MSI1: variants seen among roughly 807,000 people sequenced by gnomAD.
The protein encoded by MSI1 is musashi RNA binding protein 1.
Under a neutral mutation model 54.4 loss-of-function variants are expected in MSI1, and 15 were observed. The observed-to-expected ratio is 0.28, with a 90% CI of 0.18 to 0.42. MSI1 has a LOEUF of 0.42. MSI1 is among the 20% of genes least tolerant of loss of function. The probability of loss-of-function intolerance (pLI) is 1.00; values close to 1 mark genes in which losing one functional copy is unlikely to be tolerated. For synonymous variants in MSI1, 200 were observed against 196.5 expected (o/e 1.02, Z -0.15); for missense variants, 304 against 506.0 (o/e 0.60, Z 3.83).
intron 6 of MSI1, among the ~76,000 whole-genome samples, chr12:120,361,077 T>G (rs1592944868): frequency 6.6e-6 from 1 of 151,898 alleles, no homozygotes; most frequent in Non-Finnish European, 1.5e-5. Flanking sequence ...TGCCCATAGT[T>G]ACACGGGGGG....
chr12:120,344,563 G>A (rs1873953833), intron 14 of MSI1, among the ~76,000 whole-genome samples: 1 of 151,996 alleles, frequency 6.6e-6, no homozygotes, highest in Non-Finnish European at 1.5e-5. Flanking sequence ...TAAAAACTTA[G>A]CCAGGCATGG....
At chr12:120,354,934 C>T (rs899660287) in intron 9 of MSI1, among the ~76,000 whole-genome samples, 1 of 150,444 alleles carries the variant, frequency 6.6e-6, no homozygotes, top group African/African-American at 2.5e-5. Flanking sequence ...TGGCTCATGC[C>T]TACCACCACA....
chr12:120,358,919 A>T, intron 7 of MSI1, 86 bp downstream of exon 7: 4 of 1,435,508 alleles, frequency 2.8e-6, no homozygotes, highest in Non-Finnish European at 3.8e-6. Flanking sequence ...GGATGTCAGA[A>T]GGCGAGATGA....
chr12:120,352,102 C>T (rs370190335), intron 10 of MSI1, among the ~76,000 whole-genome samples: 42 of 151,918 alleles, frequency 2.8e-4, no homozygotes, highest in Admixed American at 3.3e-4. Context: ...ACTACACACT[C>T]GACCTCCTGG....
Position 120,368,970 on chromosome 12 carries a change from C to T in MSI1, c.59+63G>A. ...GGCTCCGGGGAGGCCCGGCCGGACC[C>T]GGATCGGCCATGTTGGCGGGGCCGG... On this transcript the variant is annotated intron_variant, in intron 1 of 14. Coordinates refer to ENST00000257552, the MANE Select transcript of MSI1 (RefSeq NM_002442.4). This position sits in a 1 kb window ranked among gnomAD's most constrained non-coding sequence, Gnocchi z 6.6. 2 of 1,158,142 alleles carry T rather than the reference C, an allele frequency of 1.7e-6. No homozygotes were observed. The highest frequency in any genetic ancestry group is 2.1e-6 in the Non-Finnish European group (2 of 937,020). 71.7% of individuals were successfully genotyped at this position (1,158,142 alleles called of 1,614,324 possible).
chr12:120,351,501 C>T, intron 10 of MSI1, 101 bp from the exon 11 acceptor site: 4 of 1,059,422 alleles, frequency 3.8e-6, no homozygotes, highest in South Asian at 1.4e-5. Context: ...GGTGAGGAGA[C>T]AGGCCATGCA....
intron 4 of MSI1, among the ~76,000 whole-genome samples, chr12:120,365,259 T>G (rs1592949996): frequency 6.6e-6 from 1 of 152,220 alleles, no homozygotes; most frequent in Middle Eastern, 3.4e-3. Context: ...CAAATCCCAT[T>G]TGCACTGCTT....
chr12:120,353,286 G>C lies in MSI1; in HGVS notation c.733+13C>G. ...GGCATGCTGGCAGCAGAGGGATACT[G>C]AGCAGGACTTACCGGGGAACTGGTA... On this transcript the variant is annotated intron_variant, in intron 10 of 14. Transcript: ENST00000257552. The C allele has an allele frequency of 1.2e-6, 2 of 1,613,194 alleles. No homozygotes were observed. Among genetic ancestry groups the C allele is most frequent in the Non-Finnish European group, 1.7e-6 (2 of 1,179,170 alleles).
intron 11 of MSI1, among the ~76,000 whole-genome samples, chr12:120,349,257 G>A (rs2136915873): frequency 6.6e-6 from 1 of 151,998 alleles, no homozygotes. Flanking sequence ...CATCATGCCT[G>A]GCTAATTTTT....
chr12:120,358,332 C>A (rs927735798), intron 7 of MSI1, among the ~76,000 whole-genome samples: 4 of 152,232 alleles, frequency 2.6e-5, no homozygotes, highest in Non-Finnish European at 5.9e-5. Flanking sequence ...CTGCGTATCA[C>A]GCAGACACAT....
intron 8 of MSI1, among the ~76,000 whole-genome samples, 170 bp from the exon 9 acceptor site, chr12:120,357,189 C>T (rs1433774846): frequency 1.3e-5 from 2 of 152,236 alleles, no homozygotes; most frequent in Non-Finnish European, 2.9e-5. Context: ...GTGTAAACGG[C>T]TTTGCATGCA....
chr12:120,362,845 G>A (rs1244138657), intron 6 of MSI1, among the ~76,000 whole-genome samples, 198 bp downstream of exon 6: 1 of 152,172 alleles, frequency 6.6e-6, no homozygotes, highest in Non-Finnish European at 1.5e-5. Flanking sequence ...TCTGTCCCGA[G>A]GGATATCCTG....
chr12:120,367,312 C>A (rs913069994), intron 4 of MSI1, among the ~76,000 whole-genome samples: 32 of 152,270 alleles, frequency 2.1e-4, no homozygotes, highest in African/African-American at 7.0e-4. Flanking sequence ...TTTCCATCTG[C>A]CCTGGAGCCA....
rs372363581 is a variant in MSI1 at position 120,351,412 on chromosome 12, C to G, written c.734-12G>C. The stretch of plus-strand genomic sequence containing the variant: ...CTCTACACGGAATTCTAAAATGAAA[C>G]GTAAAACAGCTTAGGAAGAAGCAGG... On this transcript the variant is annotated splice_polypyrimidine_tract_variant and intron_variant, in intron 10 of 14. Coordinates refer to ENST00000257552, the MANE Select transcript of MSI1 (RefSeq NM_002442.4). 2 of 1,612,986 alleles carry G rather than the reference C, an allele frequency of 1.2e-6. No individual in the cohort carries two copies. Among genetic ancestry groups the G allele is most frequent in the African/African-American group, 2.7e-5 (2 of 74,834 alleles).
intron 4 of MSI1, among the ~76,000 whole-genome samples, chr12:120,367,141 T>C (rs564917616): frequency 1.3e-5 from 2 of 152,006 alleles, no homozygotes; most frequent in South Asian, 2.1e-4. Flanking sequence ...CAAGCAGCTA[T>C]TGTTGCAGGT....
rs760803506 is a variant in MSI1, at chr12:120,368,811, G to A, written c.100+22C>T. ...GTCCGGGGTGCCCTGCCGGACCGGC[G>A]GGCGCTCCCGGGCTCGCTCACCCTG... is the stretch of plus-strand genomic sequence containing the variant. On this transcript the variant is annotated intron_variant, in intron 2 of 14. Transcript: ENST00000257552. This position sits in a 1 kb window ranked among gnomAD's most constrained non-coding sequence, Gnocchi z 6.6. The A allele has an allele frequency of 1.4e-6, 2 of 1,403,660 alleles. No homozygotes were observed. The highest frequency in any genetic ancestry group is 1.9e-6 in the Non-Finnish European group (2 of 1,063,618). 87.0% of individuals were successfully genotyped at this position (1,403,660 alleles called of 1,614,324 possible). A position where few individuals can be genotyped will look rare whatever the true frequency, so the allele number is the denominator to read the frequency against.
At chr12:120,346,077 T>A in intron 13 of MSI1, 58 bp downstream of exon 13, 4 of 1,394,502 alleles carry the variant, frequency 2.9e-6, no homozygotes, top group Non-Finnish European at 3.8e-6. Flanking sequence ...CTTCCCCAAC[T>A]TGGGGGTCTC....
chr12:120,356,834 A>C, intron 9 of MSI1, 68 bp downstream of exon 9: 1 of 1,410,566 alleles, frequency 7.1e-7, no homozygotes, highest in East Asian at 2.3e-5. Flanking sequence ...TGCAACACCC[A>C]CACAGCCCCT....
intron 9 of MSI1, among the ~76,000 whole-genome samples, chr12:120,356,394 C>T (rs749669752): frequency 1.2e-4 from 18 of 152,204 alleles, no homozygotes; most frequent in Non-Finnish European, 2.9e-5. Context: ...GCAGACTCAA[C>T]TTAAATGTAA....
Sources: gnomAD v4.1 joint callset for allele counts (sites outside exome capture counted in the v4.1 genomes callset) on GRCh38, gnomAD v4.1.1 for gene constraint, Gnocchi (gnomAD v3.1) non-coding constraint, MANE v1.5 for transcripts, NCBI Gene and HGNC (gene_info 2026-07-23, HGNC 2026-07-21) for gene names.